Variants in ATP5F1A observed in about 807,000 individuals in gnomAD.
The protein encoded by ATP5F1A is ATP synthase F(1) complex subunit alpha, mitochondrial.
ATP5F1A carries 24 observed loss-of-function variants against 57.4 expected under a neutral mutation model. The observed-to-expected ratio is 0.42, with a 90% CI of 0.30 to 0.59. ATP5F1A has a LOEUF of 0.59. Among genes scored for constraint, ATP5F1A ranks in the 20% least tolerant of loss-of-function variants. ATP5F1A has a pLI of 0.19. For missense variants in ATP5F1A, 494 were observed against 707.9 expected (o/e 0.70, Z 3.43); for synonymous variants, 251 against 255.5 (o/e 0.98, Z 0.17).
At chr18:46,097,057 T>C (rs1054024427) in intron 1 of ATP5F1A, among the ~76,000 whole-genome samples, 3 of 149,844 alleles carry the variant, frequency 2.0e-5, no homozygotes, top group Non-Finnish European at 4.4e-5. Flanking sequence ...AAACCAAGAG[T>C]TGTGGCATGT....
At chr18:46,100,272 A>G (rs977328670), upstream of ATP5F1A, among the ~76,000 whole-genome samples, 7 of 145,050 alleles carry the variant, frequency 4.8e-5, no homozygotes, top group African/African-American at 1.8e-4. Context: ...AAAAAAAAAA[A>G]GAAAGAAAAA....
upstream of ATP5F1A, chr18:46,098,362 A>AACCCCC (rs1555696620): frequency 4.4e-5 from 56 of 1,286,996 alleles, no homozygotes; most frequent in African/African-American, 2.6e-4. Context: ...CCTCGCGTTC[A>AACCCCC]CCACCTCTCC....
rs79757869 is a variant in ATP5F1A at position 46,086,517 on chromosome 18, C to G, written c.1177-23G>C. The G allele has an allele frequency of 3.1e-6, 5 of 1,593,034 alleles. No homozygotes were observed. In the African/African-American group the frequency reaches 4.0e-5, roughly 13 times the overall value. On this transcript the variant is annotated intron_variant, in intron 8 of 11. Transcript: ENST00000398752. Reference sequence around the variant, plus strand: ...GATCTATAATGTAAGGAAATACGCACGCTAGCAAGCTTAAAGTAAGAAATC... The same window carrying G: ...GATCTATAATGTAAGGAAATACGCAGGCTAGCAAGCTTAAAGTAAGAAATC...
upstream of ATP5F1A, chr18:46,099,420 A>G (rs1911198271): frequency 6.6e-6 from 1 of 151,940 alleles, no homozygotes; most frequent in South Asian, 2.1e-4. Context: ...GACACTTATT[A>G]ACGTTGCCTT....
chr18:46,093,681 A>G (rs1267609179), intron 2 of ATP5F1A, among the ~76,000 whole-genome samples: 2 of 152,068 alleles, frequency 1.3e-5, no homozygotes, highest in African/African-American at 4.8e-5. Context: ...AAAATTAGCC[A>G]GGTGTGGTGG....
Position 46,088,117 on chromosome 18 carries a change from G to A in ATP5F1A, c.791C>T (p.Thr264Ile). 1 of 1,596,160 alleles carries A rather than the reference G, an allele frequency of 6.3e-7. No homozygotes were observed. The highest frequency in any genetic ancestry group is 8.5e-7 in the Non-Finnish European group (1 of 1,176,614). Residue 264 changes from threonine (T) to isoleucine (I), a missense_variant, in exon 6 of 12, where the codon ACA becomes ATA. Thr to Ile is a moderately conservative substitution (Grantham distance 89, BLOSUM62 -1). Around this residue, in one of 6 missense-constraint regions of ATP5F1A, gnomAD observed 191 missense variants for 267.7 expected, o/e 0.71. Coordinates refer to ENST00000398752, the MANE Select transcript of ATP5F1A (RefSeq NM_004046.6). ...STVAQLVKRL[T>I]DADAMKYTIV... ...TAAATTTCTTTTAATACCTGCATCT[G>A]TAAGTCTCTTCACCAACTGGGCAAC...
At chr18:46,086,050 T>TA (rs746757229) in intron 10 of ATP5F1A, 63 bp downstream of exon 10, 49 of 1,561,452 alleles carry the variant, frequency 3.1e-5, no homozygotes, top group Admixed American at 7.4e-5. Flanking sequence ...TGCAGCTCTG[T>TA]AGGCCTGGGA....
At chr18:46,102,173 CA>C (rs1225574441), upstream of ATP5F1A, among the ~76,000 whole-genome samples, 448 of 110,010 alleles carry the variant, frequency 4.1e-3, 1 homozygote, top group African/African-American at 8.5e-3. Context: ...GACTCCCTCT[CA>C]AAAAAAAAAA....
Position 46,084,158 on chromosome 18 carries a change from G to T in ATP5F1A, c.*124C>A. The T allele has an allele frequency of 1.3e-6, 1 of 765,168 alleles. No individual in the cohort carries two copies. The highest frequency in any genetic ancestry group is 2.0e-6 in the Non-Finnish European group (1 of 497,356). 47.4% of individuals were successfully genotyped at this position (765,168 alleles called of 1,614,324 possible). A position where few individuals can be genotyped will look rare whatever the true frequency, so the allele number is the denominator to read the frequency against. On this transcript the variant is annotated 3_prime_UTR_variant, in exon 12 of 12. Transcript: ENST00000398752. ...TGACAGAAAACAACTATGCATTATGGAACCTTTATTTTTCATGTGATTTCT... is the reference window on the plus strand; with the variant it reads ...TGACAGAAAACAACTATGCATTATGTAACCTTTATTTTTCATGTGATTTCT...
intron 3 of ATP5F1A, among the ~76,000 whole-genome samples, chr18:46,091,158 T>C (rs1203411605): frequency 2.0e-5 from 3 of 152,222 alleles, no homozygotes; most frequent in African/African-American, 7.2e-5. Flanking sequence ...TATCCAGATG[T>C]CATCCTCTGC....
rs1909948906 is a variant in ATP5F1A at position 46,084,598 on chromosome 18, G to C, written c.1486C>G (p.Leu496Val). Residue 496 changes from leucine to valine, a missense_variant, in exon 11 of 12, where the codon CTT (leucine) becomes GTT (valine). Physicochemically the swap from Leu to Val is conservative, Grantham distance 32. Transcript: ENST00000398752. ...ATCTTGCTGGGCTCCAGTTTATCAA[G>C]ATATCCCCTTACACCCGCATAGATA... is the stretch of plus-strand genomic sequence containing the variant. ...AVIYAGVRGY[L>V]DKLEPSKITK... 3.1e-6 allele frequency: 5 copies of C among 1,612,344 alleles called. No homozygotes were observed. The highest frequency in any genetic ancestry group is 3.4e-6 in the Non-Finnish European group (4 of 1,179,662).
chr18:46,103,096 G>GT (rs1911327226), upstream of ATP5F1A, among the ~76,000 whole-genome samples: 4 of 152,112 alleles, frequency 2.6e-5, no homozygotes, highest in African/African-American at 9.7e-5. Context: ...GAGGTCAGGA[G>GT]TTTGAGACCA....
intron 5 of ATP5F1A, among the ~76,000 whole-genome samples, chr18:46,089,041 T>C (rs1389151132): frequency 6.6e-6 from 1 of 151,886 alleles, no homozygotes; most frequent in African/African-American, 2.4e-5. Context: ...TTGCTCACGT[T>C]TTCCTGCTGA....
chr18:46,096,942 C>T (rs1911002634), intron 1 of ATP5F1A, among the ~76,000 whole-genome samples: 1 of 131,860 alleles, frequency 7.6e-6, no homozygotes, highest in Non-Finnish European at 1.5e-5. Flanking sequence ...GAGATCACGC[C>T]ATTGCAATCC....
At chr18:46,089,364 T>G (rs774653975) in intron 5 of ATP5F1A, 3 of 602,288 alleles carry the variant, frequency 5.0e-6, no homozygotes, top group Non-Finnish European at 8.4e-6. Flanking sequence ...CTCTACCGAC[T>G]GAGCTAGCTC....
chr18:46,104,031 A>T (rs1405268759), intron 1 of ATP5F1A: 3 of 209,832 alleles, frequency 1.4e-5, no homozygotes, highest in Non-Finnish European at 2.8e-5. Flanking sequence ...ATCAATGTGG[A>T]AGAAACACAA....
At position 46,082,974 on chromosome 18, in the gene ATP5F1A, CAGGAGGTGAA is replaced by C. The variant is rs946982520; in HGVS notation, c.*1298_*1307del. 4 of 152,144 alleles carry C rather than the reference CAGGAGGTGAA, an allele frequency of 2.6e-5. No individual in the cohort carries two copies. Among genetic ancestry groups the C allele is most frequent in the Non-Finnish European group, 5.9e-5 (4 of 68,058 alleles). The allele number at this position is 152,144 out of a possible 1,614,324, so 9.4% of individuals were successfully genotyped here. On this transcript the variant is annotated 3_prime_UTR_variant, in exon 12 of 12. Coordinates refer to ENST00000398752, the MANE Select transcript of ATP5F1A (RefSeq NM_004046.6). ...CTAAGGCAGGAGAATCGCTTGAACC[CAGGAGGTGAA>C]AGGTGCAGTGAGCTGAGATTACGCC...
At chr18:46,087,705 C>T (rs1388512462) in intron 6 of ATP5F1A, 1 of 542,576 alleles carries the variant, frequency 1.8e-6, no homozygotes, top group Non-Finnish European at 3.2e-6. Flanking sequence ...TATGAGGAAA[C>T]TCCGTCTCTA....
chr18:46,093,602 T>A (rs1203662874), intron 2 of ATP5F1A, among the ~76,000 whole-genome samples: 1 of 151,916 alleles, frequency 6.6e-6, no homozygotes. Context: ...GGTAGACGGA[T>A]CCCCTGGGGT....
Sources: allele counts gnomAD v4.1 joint callset (sites outside exome capture counted in the v4.1 genomes callset), GRCh38; gene constraint gnomAD v4.1.1; regional missense constraint gnomAD v4.1.1; transcripts MANE v1.5; gene names NCBI Gene and HGNC (gene_info 2026-07-23, HGNC 2026-07-21).